LAMP2: variants seen among roughly 807,000 people sequenced by gnomAD.
LAMP2 encodes the protein lysosome associated membrane protein 2.
LAMP2 carries 4 observed loss-of-function variants against 25.6 expected under a neutral mutation model. The ratio of observed to expected loss-of-function variants is 0.16; its 90% CI spans 0.08 to 0.36. LAMP2 has a LOEUF of 0.36. Ranked by LOEUF, LAMP2 falls within the 10% of genes least tolerant of loss-of-function variation. The probability of loss-of-function intolerance (pLI) is 1.00; values close to 1 mark genes in which losing one functional copy is unlikely to be tolerated. For missense variants in LAMP2, 272 were observed against 301.4 expected, an observed-to-expected ratio of 0.90 and a Z score of 0.72; for synonymous variants, 108 against 112.7, an observed-to-expected ratio of 0.96 and a Z score of 0.27.
At position 120,428,785 on chromosome X, in the gene LAMP2, T is replaced by G. The variant is rs1057515739; in HGVS notation, c.*2538A>C. The G allele has an allele frequency of 2.0e-4, 150 of 751,323 alleles. No homozygotes were observed. Among genetic ancestry groups the G allele is most frequent in the Non-Finnish European group, 2.0e-4 (130 of 638,246 alleles). The allele number at this position is 751,323 out of a possible 1,213,427, so 61.9% of individuals were successfully genotyped here. A position where few individuals can be genotyped will look rare whatever the true frequency, so the allele number is the denominator to read the frequency against. On this transcript the variant is annotated 3_prime_UTR_variant, in exon 9 of 9. Transcript: ENST00000200639. ...ATTTGCTCAATATCTCATTATCACT[T>G]TATCTAAAATCACACGAAATTCCTC...
At chrX:120,454,219 TATCAG>T (rs1394468738) in intron 3 of LAMP2, among the ~76,000 whole-genome samples, 6 of 89,673 alleles carry the variant, frequency 6.7e-5, no homozygotes, top group African/African-American at 2.4e-4. Flanking sequence ...CCATGTCAGT[TATCAG>T]ATCAAAAAAA....
At chrX:120,435,285 G>A (rs771807327) in intron 8 of LAMP2, among the ~76,000 whole-genome samples, 1 of 112,028 alleles carries the variant, frequency 8.9e-6, no homozygotes, top group Non-Finnish European at 1.9e-5. Flanking sequence ...GAAAAGATTC[G>A]TGAAGCTACT....
At chrX:120,449,380 C>T (rs955027803) in intron 3 of LAMP2, among the ~76,000 whole-genome samples, 6 of 111,978 alleles carry the variant, frequency 5.4e-5, no homozygotes, top group Admixed American at 9.4e-5. Flanking sequence ...TTTGGGAGGC[C>T]GAGGTGGGTG....
intron 2 of LAMP2, among the ~76,000 whole-genome samples, chrX:120,456,205 A>T (rs1278799844): frequency 9.3e-6 from 1 of 107,763 alleles, no homozygotes; most frequent in African/African-American, 3.4e-5. Flanking sequence ...GCTAATTTTT[A>T]AAGTTTTTTT....
At chrX:120,443,919 T>G (rs922878847) in intron 6 of LAMP2, among the ~76,000 whole-genome samples, 1 of 109,062 alleles carries the variant, frequency 9.2e-6, no homozygotes, top group South Asian at 4.0e-4. Context: ...AGGCGGAGGT[T>G]GTAGTGAGCT....
rs2058504781 is a variant in LAMP2 at position 120,427,852 on chromosome X, G to C, written c.*3471C>G. On this transcript the variant is annotated 3_prime_UTR_variant, in exon 9 of 9. Coordinates refer to ENST00000200639, the MANE Select transcript of LAMP2 (RefSeq NM_002294.3). ...GATAATCAGTATATTCCAAACTCTA[G>C]AACAACAACAACAAAAAAAGAAATC... 9.0e-6 allele frequency: 1 copy of C among 111,120 alleles called. No individual in the cohort carries two copies. Among genetic ancestry groups the C allele is most frequent in the Non-Finnish European group, 1.9e-5 (1 of 52,916 alleles). 9.2% of individuals were successfully genotyped at this position (111,120 alleles called of 1,213,427 possible).
chrX:120,469,170 G>A lies in LAMP2; in HGVS notation c.-1C>T, dbSNP rs773623849. On this transcript the variant is annotated 5_prime_UTR_variant, in exon 1 of 9. Coordinates refer to ENST00000200639, the MANE Select transcript of LAMP2 (RefSeq NM_002294.3). Reference sequence around the variant, plus strand: ...CCGGGAAGAGGCGGAAGCACACCATGACCCCGCAGAGCAGGCGGCGACGGC... The same window carrying A: ...CCGGGAAGAGGCGGAAGCACACCATAACCCCGCAGAGCAGGCGGCGACGGC... 2 of 1,211,609 alleles carry A rather than the reference G, an allele frequency of 1.7e-6. No individual in the cohort carries two copies. Among genetic ancestry groups the A allele is most frequent in the Middle Eastern group, 2.3e-4 (1 of 4,329 alleles).
chrX:120,440,207 G>A (rs1244468240), intron 8 of LAMP2, among the ~76,000 whole-genome samples: 1 of 111,712 alleles, frequency 9.0e-6, no homozygotes, highest in Non-Finnish European at 1.9e-5. Flanking sequence ...TTTGCAGATC[G>A]TGACTTAGTA....
rs185173232 is a variant in LAMP2 at position 120,456,517 on chromosome X, T to C, written c.183+134A>G. The stretch of plus-strand genomic sequence containing the variant: ...AAACAGAATAACTTCTGAGTGTGTA[T>C]GCTTAAAAAAAATCCCAGAGTTTCA... On this transcript the variant is annotated intron_variant, in intron 2 of 8. Coordinates refer to ENST00000200639, the MANE Select transcript of LAMP2 (RefSeq NM_002294.3). 1.2e-3 allele frequency: 490 copies of C among 415,684 alleles called. 4 individuals carry two copies. Among genetic ancestry groups the C allele is most frequent in the East Asian group, 4.0e-3 (98 of 24,807 alleles). The allele number at this position is 415,684 out of a possible 1,213,427, so 34.3% of individuals were successfully genotyped here. A position where few individuals can be genotyped will look rare whatever the true frequency, so the allele number is the denominator to read the frequency against.
chrX:120,465,457 C>A (rs1204204102), intron 1 of LAMP2, among the ~76,000 whole-genome samples: 2 of 112,205 alleles, frequency 1.8e-5, no homozygotes, highest in African/African-American at 6.5e-5. Context: ...CACCCACTAT[C>A]CACTTTATAA....
rs1264756474 is a variant in LAMP2 at position 120,428,165 on chromosome X, CTG to C, written c.*3156_*3157del. ...CATCAAAGTAGTAAAATATAAGTAA[CTG>C]TAACATATAAAATTACACATCAGCA... On this transcript the variant is annotated 3_prime_UTR_variant, in exon 9 of 9. Transcript: ENST00000200639. 1 of 148,075 alleles carries C rather than the reference CTG, an allele frequency of 6.8e-6. No homozygotes were observed. The highest frequency in any genetic ancestry group is 1.3e-5 in the Non-Finnish European group (1 of 77,261). The allele number at this position is 148,075 out of a possible 1,213,427, so 12.2% of individuals were successfully genotyped here.
rs5957382 is a variant in LAMP2, at chrX:120,430,227, A to G, written c.*1096T>C. On this transcript the variant is annotated 3_prime_UTR_variant, in exon 9 of 9. Coordinates refer to ENST00000200639, the MANE Select transcript of LAMP2 (RefSeq NM_002294.3). Reference sequence around the variant, plus strand: ...TGTTTCATGTCTGTGCTACTCTTATACCATGGAATATGCTTCAACAAGGGC... The same window carrying G: ...TGTTTCATGTCTGTGCTACTCTTATGCCATGGAATATGCTTCAACAAGGGC... 0.014 allele frequency: 10,612 copies of G among 752,695 alleles called. 757 individuals carry two copies. In the African/African-American group the frequency reaches 0.22, roughly 15 times the overall value. 62.0% of individuals were successfully genotyped at this position (752,695 alleles called of 1,213,427 possible). A position where few individuals can be genotyped will look rare whatever the true frequency, so the allele number is the denominator to read the frequency against.
intron 8 of LAMP2, among the ~76,000 whole-genome samples, chrX:120,434,398 T>C (rs1341680345): frequency 8.9e-6 from 1 of 112,177 alleles, no homozygotes; most frequent in Admixed American, 9.5e-5. Flanking sequence ...TCTCAATTAG[T>C]ATGTGAAATA....
intron 8 of LAMP2, chrX:120,438,824 T>C (rs887584627): frequency 1.2e-6 from 1 of 839,734 alleles, no homozygotes; most frequent in Non-Finnish European, 1.4e-6. Context: ...TTTTCAAAAA[T>C]TGTTTTTTCT....
At position 120,428,863 on chromosome X, in the gene LAMP2, T is replaced by C. The variant is rs10127182; in HGVS notation, c.*2460A>G. 15,007 of 749,190 alleles carry C rather than the reference T, an allele frequency of 0.02. 1,612 individuals carry two copies. The African/African-American group carries it at 0.31, about 16-fold the overall frequency. The allele number at this position is 749,190 out of a possible 1,213,427, so 61.7% of individuals were successfully genotyped here. On this transcript the variant is annotated 3_prime_UTR_variant, in exon 9 of 9. Transcript: ENST00000200639. ...AATGGGAAGGGTCCAAAATAGAGAA[T>C]TGCGCTTGCCTAATATGGGAAGACT...
chrX:120,446,274 T>G (rs778196331), intron 6 of LAMP2, 31 bp downstream of exon 6: 1 of 1,187,526 alleles, frequency 8.4e-7, no homozygotes, highest in Non-Finnish European at 1.1e-6. Flanking sequence ...TCTAAGAGAA[T>G]GAACCTAACT....
rs141541387 is a variant in LAMP2, at chrX:120,446,414, A to C, written c.755T>G (p.Ile252Ser). ...GTGAGTTGTATTGGGGTTGATGTTA[A>C]TAACTGAAGCAACCTTCAGGAGAAG... is the stretch of plus-strand genomic sequence containing the variant. ...NITQDKVASV[I>S]NINPNTTHST... Residue 252 changes from isoleucine to serine, a missense_variant, in exon 6 of 9, where the codon ATT (isoleucine) becomes AGT (serine). Physicochemically the swap from Ile to Ser is moderately radical, Grantham distance 142. Coordinates refer to ENST00000200639, the MANE Select transcript of LAMP2 (RefSeq NM_002294.3). 2,188 of 1,208,328 alleles carry C rather than the reference A, an allele frequency of 1.8e-3. 2 individuals carry two copies. The highest frequency in any genetic ancestry group is 2.3e-3 in the Non-Finnish European group (2,034 of 893,959).
chrX:120,431,148 G>A lies in LAMP2; in HGVS notation c.*175C>T. On this transcript the variant is annotated 3_prime_UTR_variant, in exon 9 of 9. Coordinates refer to ENST00000200639, the MANE Select transcript of LAMP2 (RefSeq NM_002294.3). ...GTAAATATGACACTTTGGATTTTAA[G>A]CTGATTAAAGAGAACAGGTTTTATT... The A allele has an allele frequency of 9.1e-7, 1 of 1,098,783 alleles. No homozygotes were observed. The highest frequency in any genetic ancestry group is 1.2e-6 in the Non-Finnish European group (1 of 838,429). The allele number at this position is 1,098,783 out of a possible 1,213,427, so 90.6% of individuals were successfully genotyped here.
At position 120,427,429 on chromosome X, in the gene LAMP2, G is replaced by T. The variant is rs181132832; in HGVS notation, c.*3894C>A. ...CGGAGCCATTAGCAGTCCCTACAGGGATATAAGTCTATATCAAGATCAACA... is the reference window on the plus strand; with the variant it reads ...CGGAGCCATTAGCAGTCCCTACAGGTATATAAGTCTATATCAAGATCAACA... On this transcript the variant is annotated 3_prime_UTR_variant, in exon 9 of 9. Coordinates refer to ENST00000200639, the MANE Select transcript of LAMP2 (RefSeq NM_002294.3). 2.7e-5 allele frequency among the ~76,000 whole-genome samples: 3 copies of T among 110,880 alleles called. No homozygotes were observed. Among genetic ancestry groups the T allele is most frequent in the Non-Finnish European group, 5.7e-5 (3 of 52,963 alleles).
Sources: allele counts gnomAD v4.1 joint callset (sites outside exome capture counted in the v4.1 genomes callset), GRCh38; gene constraint gnomAD v4.1.1; transcripts MANE v1.5; gene names NCBI Gene and HGNC (gene_info 2026-07-23, HGNC 2026-07-21).